Variants in KIF26B observed in about 807,000 individuals in gnomAD.
The protein encoded by KIF26B is kinesin family member 26B, also known as kinesin-like protein KIF26B.
A neutral mutation model predicts 151.2 loss-of-function variants in KIF26B; 63 were observed. The observed-to-expected ratio is 0.42, with a 90% CI of 0.34 to 0.51. KIF26B has a LOEUF of 0.51. KIF26B is among the 20% of genes least tolerant of loss of function. The probability of loss-of-function intolerance (pLI) is 0.07; values close to 1 mark genes in which losing one functional copy is unlikely to be tolerated. For synonymous variants in KIF26B, 1,357 were observed against 1,262.1 expected (o/e 1.08, Z -1.59); for missense variants, 2,813 against 2,913.6 (o/e 0.97, Z 0.79).
intron 14 of KIF26B, among the ~76,000 whole-genome samples, chr1:245,700,605 G>A (rs1393219891): frequency 1.3e-5 from 2 of 152,214 alleles, no homozygotes; most frequent in East Asian, 1.9e-4. Context: ...GGCTGAGGTT[G>A]CAGTGAGCCA....
chr1:245,422,087 A>G (rs978068640), intron 4 of KIF26B, among the ~76,000 whole-genome samples: 7 of 152,186 alleles, frequency 4.6e-5, no homozygotes, highest in African/African-American at 9.6e-5. Context: ...GGCTTGCAGT[A>G]TGAGCTTTCA....
chr1:245,508,211 A>G (rs1325870291), intron 4 of KIF26B, among the ~76,000 whole-genome samples: 1 of 152,190 alleles, frequency 6.6e-6, no homozygotes, highest in Non-Finnish European at 1.5e-5. Context: ...TCATTCATTC[A>G]TCTATTCGAT....
intron 10 of KIF26B, among the ~76,000 whole-genome samples, chr1:245,674,893 C>T (rs1431893129): frequency 6.6e-6 from 1 of 152,204 alleles, no homozygotes; most frequent in African/African-American, 2.4e-5. Flanking sequence ...CTGACACCTA[C>T]TGCAAGCAAT....
At position 245,226,444 on chromosome 1, in the gene KIF26B, T is replaced by C. The variant is rs183252157; in HGVS notation, c.465+69761T>C. Among the ~76,000 whole-genome samples, 353 of 151,900 alleles carry C rather than the reference T, an allele frequency of 2.3e-3. 2 individuals carry two copies. The highest frequency in any genetic ancestry group is 8.4e-3 in the African/African-American group (349 of 41,426). ...TCTCAGCCCTCAGTCTGTATTCTTG[T>C]GGAGGGTGCACCTCTTTTTTTTTTT... On this transcript the variant is annotated intron_variant, in intron 2 of 14. Coordinates refer to ENST00000407071, the MANE Select transcript of KIF26B (RefSeq NM_018012.4).
At chr1:245,419,459 G>A (rs1658415784) in intron 3 of KIF26B, 120 bp from the exon 4 acceptor site, 3 of 815,684 alleles carry the variant, frequency 3.7e-6, no homozygotes, top group Non-Finnish European at 5.6e-6. Context: ...GTAACTGAAT[G>A]CAGGTGGGAT....
At chr1:245,456,539 C>T (rs1659520641) in intron 4 of KIF26B, among the ~76,000 whole-genome samples, 1 of 152,180 alleles carries the variant, frequency 6.6e-6, no homozygotes, top group South Asian at 2.1e-4. Flanking sequence ...AAGTTGTTTC[C>T]TTTTCTTGCT....
chr1:245,694,583 G>GT (rs2044666808), intron 12 of KIF26B, among the ~76,000 whole-genome samples: 1 of 152,196 alleles, frequency 6.6e-6, no homozygotes, highest in South Asian at 2.1e-4. Flanking sequence ...GATGTTAAGA[G>GT]TAGAAGGCCC....
chr1:245,473,398 C>T (rs775953485), intron 4 of KIF26B, among the ~76,000 whole-genome samples: 87 of 152,274 alleles, frequency 5.7e-4, no homozygotes, highest in Non-Finnish European at 9.3e-4. Flanking sequence ...GGTTTACAAC[C>T]GATGCCTGTC....
At chr1:245,308,248 G>T (rs1413785459) in intron 2 of KIF26B, among the ~76,000 whole-genome samples, 1 of 152,196 alleles carries the variant, frequency 6.6e-6, no homozygotes. Context: ...GCATGAGAAG[G>T]CTGTGTGGCC....
rs1386875179 is a variant in KIF26B, at chr1:245,560,717, C to T, written c.1350+19767C>T. 1.3e-5 allele frequency among the ~76,000 whole-genome samples: 2 copies of T among 152,148 alleles called. No homozygotes were observed. The highest frequency in any genetic ancestry group is 2.4e-5 in the African/African-American group (1 of 41,442). On this transcript the variant is annotated intron_variant, in intron 5 of 14. Coordinates refer to ENST00000407071, the MANE Select transcript of KIF26B (RefSeq NM_018012.4). This position sits in a 1 kb window ranked among gnomAD's most constrained non-coding sequence, Gnocchi z 4.3. ...TCTCACGGAAGCCTGACATGTAAAT[C>T]TCAAGTTGTTAAACCTGCTGTCAAA...
intron 4 of KIF26B, among the ~76,000 whole-genome samples, chr1:245,472,756 C>T (rs1193400596): frequency 6.6e-6 from 1 of 152,200 alleles, no homozygotes; most frequent in Admixed American, 6.5e-5. Flanking sequence ...TTTTCAAGGC[C>T]ATGGCTCTTC....
intron 4 of KIF26B, among the ~76,000 whole-genome samples, chr1:245,429,088 G>A (rs1395717281): frequency 2.0e-5 from 3 of 152,126 alleles, no homozygotes; most frequent in Non-Finnish European, 4.4e-5. Context: ...ATTCTGACTT[G>A]AGGCAAGTAA....
intron 4 of KIF26B, among the ~76,000 whole-genome samples, chr1:245,479,875 G>A (rs766851100): frequency 5.3e-5 from 8 of 151,812 alleles, no homozygotes; most frequent in Non-Finnish European, 1.0e-4. Context: ...AAGGACACAG[G>A]CTTCTTTTCT....
intron 2 of KIF26B, among the ~76,000 whole-genome samples, chr1:245,350,742 C>T (rs1672551136): frequency 6.6e-6 from 1 of 152,174 alleles, no homozygotes; most frequent in Non-Finnish European, 1.5e-5. Flanking sequence ...ACAGGTTGTG[C>T]AGGAGGAACC....
At chr1:245,500,623 G>T (rs548830726) in intron 4 of KIF26B, among the ~76,000 whole-genome samples, 1 of 152,176 alleles carries the variant, frequency 6.6e-6, no homozygotes, top group African/African-American at 2.4e-5. Flanking sequence ...CTGACTGAGG[G>T]TTCCTTCCAA....
chr1:245,261,484 T>TCTCC (rs1558365962), intron 2 of KIF26B, among the ~76,000 whole-genome samples: 12 of 136,196 alleles, frequency 8.8e-5, no homozygotes, highest in African/African-American at 3.2e-4. Context: ...TCTCTCTCTC[T>TCTCC]CTCTCTCTCT....
intron 12 of KIF26B, among the ~76,000 whole-genome samples, chr1:245,695,591 A>C (rs1292812139): frequency 6.6e-6 from 1 of 152,198 alleles, no homozygotes; most frequent in Non-Finnish European, 1.5e-5. Context: ...ACCTAACCTG[A>C]CAGTGGGCAC....
intron 3 of KIF26B, among the ~76,000 whole-genome samples, chr1:245,415,788 CTT>C (rs781545952): frequency 7.3e-4 from 100 of 137,808 alleles, no homozygotes; most frequent in Middle Eastern, 3.7e-3. Flanking sequence ...TCAGCATCTA[CTT>C]TTTTTTTTTT....
intron 3 of KIF26B, among the ~76,000 whole-genome samples, chr1:245,395,556 G>A (rs536399645): frequency 2.6e-5 from 4 of 152,276 alleles, no homozygotes; most frequent in Admixed American, 2.6e-4. Flanking sequence ...GGATAGACCC[G>A]GCGGGGTGCT....
Sources: gnomAD v4.1 joint callset for allele counts (sites outside exome capture counted in the v4.1 genomes callset) on GRCh38, gnomAD v4.1.1 for gene constraint, Gnocchi (gnomAD v3.1) non-coding constraint, MANE v1.5 for transcripts, NCBI Gene and HGNC (gene_info 2026-07-23, HGNC 2026-07-21) for gene names.